NEDD1: variants seen among roughly 807,000 people sequenced by gnomAD.
NEDD1 encodes the protein NEDD1 gamma-tubulin ring complex targeting factor.
NEDD1 carries 33 observed loss-of-function variants against 74.0 expected under a neutral mutation model. The ratio of observed to expected loss-of-function variants is 0.45; its 90% CI spans 0.34 to 0.60. The LOEUF is 0.60. Among genes scored for constraint, NEDD1 ranks in the 20% least tolerant of loss-of-function variants. The pLI is 0.01. For synonymous variants in NEDD1, 250 were observed against 264.4 expected (o/e 0.95, Z 0.53); for missense variants, 746 against 776.5 (o/e 0.96, Z 0.47).
intron 4 of NEDD1, among the ~76,000 whole-genome samples, 167 bp downstream of exon 4, chr12:96,912,984 C>CTA (rs1874077627): frequency 6.6e-6 from 1 of 152,144 alleles, no homozygotes; most frequent in African/African-American, 2.4e-5. Context: ...TGTGTACTTA[C>CTA]TAAAGTATTT....
intron 12 of NEDD1, 45 bp downstream of exon 12, chr12:96,943,807 A>G (rs371627906): frequency 7.6e-7 from 1 of 1,319,154 alleles, no homozygotes; most frequent in Admixed American, 1.8e-5. Context: ...TGTGTTTATC[A>G]GTAGAAAGTG....
At chr12:96,950,054 A>G (rs917514025) in intron 14 of NEDD1, among the ~76,000 whole-genome samples, 4 of 152,062 alleles carry the variant, frequency 2.6e-5, no homozygotes, top group Non-Finnish European at 5.9e-5. Flanking sequence ...TGAAGGGATA[A>G]GAAGATACCT....
chr12:96,941,276 G>C (rs1877636910), intron 10 of NEDD1, among the ~76,000 whole-genome samples: 2 of 151,978 alleles, frequency 1.3e-5, no homozygotes. Context: ...TCAACAGCAG[G>C]ATCTCGAAGT....
chr12:96,915,748 A>G (rs908983370), intron 4 of NEDD1, among the ~76,000 whole-genome samples: 2 of 152,242 alleles, frequency 1.3e-5, no homozygotes, highest in African/African-American at 2.4e-5. Context: ...ACTCACTGAG[A>G]AGAACTTGAC....
At chr12:96,947,731 C>G (rs1167811961) in intron 14 of NEDD1, among the ~76,000 whole-genome samples, 1 of 152,188 alleles carries the variant, frequency 6.6e-6, no homozygotes, top group Non-Finnish European at 1.5e-5. Context: ...GTGGCTGGAG[C>G]TTGTTTTTCA....
At chr12:96,935,300 TC>T in intron 7 of NEDD1, 95 bp downstream of exon 7, 1 of 725,282 alleles carries the variant, frequency 1.4e-6, no homozygotes, top group Non-Finnish European at 2.3e-6. Context: ...CTGATTAGTG[TC>T]CAGGGGTCCT....
chr12:96,933,856 A>T (rs1174161715), intron 6 of NEDD1, among the ~76,000 whole-genome samples: 2 of 152,228 alleles, frequency 1.3e-5, no homozygotes, highest in Non-Finnish European at 1.5e-5. Flanking sequence ...TGACAGTAAC[A>T]TTTTAGTAAA....
At chr12:96,917,335 G>T (rs571290142) in intron 4 of NEDD1, among the ~76,000 whole-genome samples, 1 of 152,144 alleles carries the variant, frequency 6.6e-6, no homozygotes, top group African/African-American at 2.4e-5. Flanking sequence ...CCTGATGGGA[G>T]ACCAGGACTG....
chr12:96,938,424 TTTTTCAAAA>T (rs1266219504), intron 9 of NEDD1, among the ~76,000 whole-genome samples: 1 of 152,072 alleles, frequency 6.6e-6, no homozygotes, highest in Non-Finnish European at 1.5e-5. Context: ...AAAATTATCT[TTTTTCAAAA>T]TTTTCAAAAA....
intron 6 of NEDD1, among the ~76,000 whole-genome samples, chr12:96,932,457 AAAAAAAATATATATATATATATAT>A (rs1876601397): frequency 7.8e-5 from 1 of 12,774 alleles, no homozygotes; most frequent in South Asian, 3.5e-3. Context: ...AAAAAAAAAA[AAAAAAAATATATATATATATATAT>A]ATATATAAAA....
chr12:96,932,580 C>T (rs1805466778), intron 6 of NEDD1, among the ~76,000 whole-genome samples: 2 of 140,698 alleles, frequency 1.4e-5, no homozygotes, highest in East Asian at 2.1e-4. Context: ...GGATTCTTAG[C>T]TAATATCTTA....
chr12:96,950,074 A>G (rs768657900), intron 14 of NEDD1, among the ~76,000 whole-genome samples: 2 of 152,046 alleles, frequency 1.3e-5, no homozygotes, highest in African/African-American at 2.4e-5. Context: ...TGCAGTTCTC[A>G]TATAAATAAC....
At position 96,952,697 on chromosome 12, in the gene NEDD1, G is replaced by A. The variant is rs1488847604; in HGVS notation, c.*644G>A. 6.6e-6 allele frequency: 1 copy of A among 151,516 alleles called. No homozygotes were observed. Among genetic ancestry groups the A allele is most frequent in the African/African-American group, 2.4e-5 (1 of 41,342 alleles). 9.4% of individuals were successfully genotyped at this position (151,516 alleles called of 1,614,324 possible). On this transcript the variant is annotated 3_prime_UTR_variant, in exon 16 of 16. Coordinates refer to ENST00000266742, the MANE Select transcript of NEDD1 (RefSeq NM_152905.4). ...TCTGACAAATCTTTATTCCTGGGTG[G>A]TATTTTTAAGATATCTTTACCTATA...
intron 3 of NEDD1, 96 bp from the exon 4 acceptor site, chr12:96,912,627 T>G: frequency 1.5e-6 from 1 of 659,130 alleles, no homozygotes; most frequent in Middle Eastern, 3.5e-4. Context: ...ATTGCTTGTC[T>G]TCTTAGTGTG....
chr12:96,944,855 T>C (rs1878042214), intron 13 of NEDD1, 60 bp downstream of exon 13: 3 of 1,260,860 alleles, frequency 2.4e-6, no homozygotes, highest in South Asian at 3.3e-5. Flanking sequence ...ATCCCCATTA[T>C]TTAACTTGTA....
rs1877786450 is a variant in NEDD1 at position 96,942,690 on chromosome 12, C to A, written c.1294+66C>A. The A allele has an allele frequency of 6.3e-6, 5 of 789,044 alleles. No homozygotes were observed. In the East Asian group the frequency reaches 1.2e-4, roughly 19 times the overall value. 48.9% of individuals were successfully genotyped at this position (789,044 alleles called of 1,614,324 possible). On this transcript the variant is annotated intron_variant, in intron 11 of 15. Transcript: ENST00000266742. ...GAATTGTATTATCTATGCTGTGTAA[C>A]AAATCTCTCCAACACTTTGAGGCTT... is the stretch of plus-strand genomic sequence containing the variant.
intron 10 of NEDD1, 109 bp from the exon 11 acceptor site, chr12:96,942,468 C>A: frequency 1.5e-6 from 1 of 673,928 alleles, no homozygotes; most frequent in Non-Finnish European, 2.7e-6. Flanking sequence ...TCATATTTAG[C>A]TTTTTAAGAT....
At chr12:96,937,571 A>G (rs552840120) in intron 9 of NEDD1, among the ~76,000 whole-genome samples, 178 bp downstream of exon 9, 217 of 152,252 alleles carry the variant, frequency 1.4e-3, no homozygotes, top group African/African-American at 5.1e-3. Flanking sequence ...AACTTTGGCT[A>G]TTAATTTCAA....
At chr12:96,909,192 A>T (rs1029992974) in intron 2 of NEDD1, among the ~76,000 whole-genome samples, 4 of 151,990 alleles carry the variant, frequency 2.6e-5, no homozygotes, top group Non-Finnish European at 4.4e-5. Context: ...AAAAAAAAAA[A>T]AATTCAGATA....
Sources: allele counts gnomAD v4.1 joint callset (sites outside exome capture counted in the v4.1 genomes callset), GRCh38; gene constraint gnomAD v4.1.1; transcripts MANE v1.5; gene names NCBI Gene and HGNC (gene_info 2026-07-23, HGNC 2026-07-21).